TOGARAM2: variants seen among roughly 807,000 people sequenced by gnomAD.
The protein encoded by TOGARAM2 is TOG array regulator of axonemal microtubules protein 2.
Under a neutral mutation model 93.3 loss-of-function variants are expected in TOGARAM2, and 85 were observed. That is an observed-to-expected ratio of 0.91 (90% CI 0.76 to 1.09). TOGARAM2 has a LOEUF of 1.09. Among genes scored for constraint, TOGARAM2 ranks in the 50% least tolerant of loss-of-function variants. The pLI is 0.00. For missense variants in TOGARAM2, 1,277 were observed against 1,334.5 expected (o/e 0.96, Z 0.67); for synonymous variants, 593 against 552.8 (o/e 1.07, Z -1.02).
intron 4 of TOGARAM2, among the ~76,000 whole-genome samples, chr2:29,001,613 G>A (rs1210514857): frequency 6.6e-6 from 1 of 151,896 alleles, no homozygotes; most frequent in East Asian, 1.9e-4. Context: ...CGATTCTCCT[G>A]CCTCAGCCTC....
intron 19 of TOGARAM2, chr2:29,045,669 A>C: frequency 6.6e-6 from 3 of 457,182 alleles, no homozygotes; most frequent in Non-Finnish European, 1.2e-5. Context: ...AATCTCCCTA[A>C]TCAGAAAATT....
intron 1 of TOGARAM2, among the ~76,000 whole-genome samples, chr2:28,971,612 C>T (rs967305522): frequency 6.6e-6 from 1 of 152,112 alleles, no homozygotes; most frequent in Non-Finnish European, 1.5e-5. Context: ...CTTCTGACTC[C>T]TGAGGCTGGT....
intron 3 of TOGARAM2, 74 bp downstream of exon 3, chr2:28,998,327 C>A (rs896010800): frequency 2.0e-6 from 2 of 1,009,336 alleles, no homozygotes; most frequent in South Asian, 1.6e-5. Flanking sequence ...TGGTAGATGC[C>A]GGCTGTGTTC....
intron 18 of TOGARAM2, among the ~76,000 whole-genome samples, chr2:29,039,112 G>T (rs1215139413): frequency 6.6e-6 from 1 of 152,110 alleles, no homozygotes; most frequent in African/African-American, 2.4e-5. Context: ...GAAGAGAAGG[G>T]GTATGAAGTC....
At chr2:28,957,191 ATTTCT>A (rs1182330082) in intron 1 of TOGARAM2, among the ~76,000 whole-genome samples, 2 of 151,730 alleles carry the variant, frequency 1.3e-5, no homozygotes, top group Non-Finnish European at 2.9e-5. Context: ...TTTACAATTG[ATTTCT>A]TTTTGTTTGT....
At chr2:28,969,848 T>C (rs945508256) in intron 1 of TOGARAM2, among the ~76,000 whole-genome samples, 1 of 147,978 alleles carries the variant, frequency 6.8e-6, no homozygotes, top group African/African-American at 2.5e-5. Context: ...GTTTCGCTCT[T>C]ATTGCCCAGG....
In TOGARAM2 at chr2:29,033,558, G is replaced by A. The variant is rs930170557; in HGVS notation, c.2220G>A (p.Lys740=). ...LVVCENGLPI[K]EGLSCNGPRL... is the part of the protein sequence containing the mutation. ...TGTGTGAGAACGGGCTGCCCATCAA[G>A]GAGGGGTATGGCTGCTCCTGTATCT... Residue 740 remains lysine (K), a synonymous_variant, in exon 16 of 20, where the codon AAG becomes AAA. Coordinates refer to ENST00000379558, the MANE Select transcript of TOGARAM2 (RefSeq NM_199280.4). 78 of 1,612,886 alleles carry A rather than the reference G, an allele frequency of 4.8e-5. No homozygotes were observed. The highest frequency in any genetic ancestry group is 6.5e-5 in the Non-Finnish European group (77 of 1,179,562).
At chr2:29,022,831 G>C (rs910968312) in intron 11 of TOGARAM2, among the ~76,000 whole-genome samples, 1 of 152,226 alleles carries the variant, frequency 6.6e-6, no homozygotes, top group African/African-American at 2.4e-5. Context: ...AGGTCCTGGA[G>C]GGGGGTGGGC....
rs13002353 is a variant in TOGARAM2, at chr2:28,973,523, C to G, written c.-147+16826C>G. Among the ~76,000 whole-genome samples the G allele has an allele frequency of 1.5e-4, 22 of 146,268 alleles. 2 individuals are homozygous for G. The South Asian group carries it at 5.1e-3, about 34-fold the overall frequency. On this transcript the variant is annotated intron_variant, in intron 1 of 6. Transcript: ENST00000401723. Reference sequence around the variant, plus strand: ...CCCTCCCTCCTTCCCTCCTTCCTGCCTTCCTGCCTTCTTTCCTTTGTCACA... The same window carrying G: ...CCCTCCCTCCTTCCCTCCTTCCTGCGTTCCTGCCTTCTTTCCTTTGTCACA...
rs753626402 is a variant in TOGARAM2 at position 29,003,475 on chromosome 2, C to T, written c.640-17C>T. On this transcript the variant is annotated splice_polypyrimidine_tract_variant and intron_variant, in intron 5 of 19. Transcript: ENST00000379558. The stretch of plus-strand genomic sequence containing the variant: ...ATGTTGCCATAGGCCAGACCCCTGT[C>T]CCGCCTCTGCTCCCAGGCGCAGATC... The T allele has an allele frequency of 2.7e-6, 4 of 1,483,100 alleles. No individual in the cohort carries two copies. The highest frequency in any genetic ancestry group is 3.6e-6 in the Non-Finnish European group (4 of 1,111,900). 91.9% of individuals were successfully genotyped at this position (1,483,100 alleles called of 1,614,324 possible). A position where few individuals can be genotyped will look rare whatever the true frequency, so the allele number is the denominator to read the frequency against.
chr2:29,045,925 T>C (rs1249137084), intron 19 of TOGARAM2: 1 of 171,662 alleles, frequency 5.8e-6, no homozygotes, highest in African/African-American at 2.4e-5. Flanking sequence ...AGAGTACCTT[T>C]GTGTGAGTCA....
upstream of TOGARAM2, among the ~76,000 whole-genome samples, chr2:28,979,747 G>A (rs1672106302): frequency 6.6e-6 from 1 of 152,198 alleles, no homozygotes; most frequent in Admixed American, 6.5e-5. Flanking sequence ...GAGGGGCTTG[G>A]CAGCCATGGT....
chr2:29,049,508 T>A (rs1453035568), intron 19 of TOGARAM2: 2 of 152,256 alleles, frequency 1.3e-5, no homozygotes, highest in Non-Finnish European at 2.9e-5. Context: ...TTATCGTTAT[T>A]CAGTGTAGGC....
intron 1 of TOGARAM2, among the ~76,000 whole-genome samples, chr2:28,985,579 T>C (rs1274971961): frequency 3.3e-5 from 5 of 152,148 alleles, no homozygotes. Context: ...TAATTTATAT[T>C]TGCACCAACA....
At chr2:28,977,104 C>G (rs560801556), upstream of TOGARAM2, among the ~76,000 whole-genome samples, 9 of 152,330 alleles carry the variant, frequency 5.9e-5, no homozygotes, top group African/African-American at 2.2e-4. Flanking sequence ...CATCAGGGCT[C>G]TAAGGGACCA....
At position 29,002,629 on chromosome 2, in the gene TOGARAM2, C is replaced by A. The variant is rs368321465; in HGVS notation, c.521C>A (p.Pro174Gln). ...CAGAGGCTGCTGAGGGTGCCCAGGC[C>A]GATGCCTCTCATCCAGAGCATCCCT... Reference protein sequence around the residue: ...TSQRLLRVPRPMPLIQSIPTT... With the variant: ...TSQRLLRVPRQMPLIQSIPTT... The change falls in exon 5 of 20, where the codon CCG becomes CAG. Residue 174 changes from proline (P) to glutamine (Q), a missense_variant. Coordinates refer to ENST00000379558, the MANE Select transcript of TOGARAM2 (RefSeq NM_199280.4). 1.2e-6 allele frequency: 2 copies of A among 1,613,956 alleles called. No individual in the cohort carries two copies. The highest frequency in any genetic ancestry group is 1.7e-5 in the Admixed American group (1 of 60,020).
At chr2:29,022,494 G>C (rs1394981317) in intron 11 of TOGARAM2, among the ~76,000 whole-genome samples, 186 bp downstream of exon 11, 1 of 152,240 alleles carries the variant, frequency 6.6e-6, no homozygotes, top group Non-Finnish European at 1.5e-5. Context: ...GTGTGTGCAT[G>C]AGTGTGTGGT....
intron 18 of TOGARAM2, among the ~76,000 whole-genome samples, chr2:29,044,399 T>C (rs926105395): frequency 1.3e-5 from 2 of 152,084 alleles, no homozygotes; most frequent in Non-Finnish European, 2.9e-5. Context: ...CCATTGATGA[T>C]AATATGTGCT....
intron 18 of TOGARAM2, among the ~76,000 whole-genome samples, chr2:29,041,947 G>C (rs1056720612): frequency 2.6e-5 from 4 of 152,184 alleles, no homozygotes; most frequent in Non-Finnish European, 5.9e-5. Flanking sequence ...ATTATCCTAA[G>C]CACTGTTTAT....
Sources: allele counts gnomAD v4.1 joint callset (sites outside exome capture counted in the v4.1 genomes callset), GRCh38; gene constraint gnomAD v4.1.1; transcripts MANE v1.5; gene names NCBI Gene and HGNC (gene_info 2026-07-23, HGNC 2026-07-21).